Variants in CSMD1 observed in about 807,000 individuals in gnomAD.
CSMD1 encodes the protein CUB and sushi domain-containing protein 1.
In CSMD1, 213 loss-of-function variants were observed where a neutral mutation model predicts 417.5. The observed-to-expected ratio is 0.51, with a 90% CI of 0.46 to 0.57. The LOEUF is 0.57. Ranked by LOEUF, CSMD1 falls within the 20% of genes least tolerant of loss-of-function variation. The probability of loss-of-function intolerance (pLI) is 0.00; values close to 1 mark genes in which losing one functional copy is unlikely to be tolerated. For missense variants in CSMD1, 6,923 were observed against 4,529.7 expected (o/e 1.53, Z -15.17); for synonymous variants, 2,862 against 1,736.8 (o/e 1.65, Z -16.11).
chr8:4,419,877 CATT>C (rs1292979442), intron 3 of CSMD1, 73 bp downstream of exon 3: 6 of 1,027,046 alleles, frequency 5.8e-6, no homozygotes, highest in African/African-American at 1.6e-5. Context: ...CCTAGTTTGT[CATT>C]ATTAATCCAG....
intron 1 of CSMD1, among the ~76,000 whole-genome samples, chr8:4,880,580 C>G (rs1223992608): frequency 6.6e-6 from 1 of 152,104 alleles, no homozygotes; most frequent in Non-Finnish European, 1.5e-5. Context: ...AGACACACTT[C>G]CTGTGTTCTC....
chr8:4,267,904 A>C (rs1273562191), intron 3 of CSMD1, among the ~76,000 whole-genome samples: 2 of 152,156 alleles, frequency 1.3e-5, no homozygotes, highest in Non-Finnish European at 1.5e-5. Flanking sequence ...GTAATGACTG[A>C]AATAAAATAG....
chr8:4,872,392 C>G (rs1227744387), intron 1 of CSMD1, among the ~76,000 whole-genome samples: 2 of 151,970 alleles, frequency 1.3e-5, no homozygotes, highest in African/African-American at 4.8e-5. Flanking sequence ...AGTGGTTTCC[C>G]TGATGCTGCT....
chr8:3,403,131 A>G (rs559341201), intron 15 of CSMD1, among the ~76,000 whole-genome samples: 20 of 152,190 alleles, frequency 1.3e-4, no homozygotes, highest in Non-Finnish European at 2.6e-4. Context: ...GAGACCTATA[A>G]CTTATTTTAA....
At chr8:3,500,107 T>G (rs1796535650) in intron 10 of CSMD1, among the ~76,000 whole-genome samples, 2 of 152,142 alleles carry the variant, frequency 1.3e-5, no homozygotes, top group African/African-American at 4.8e-5. Context: ...TTTTTGGCAC[T>G]GAACGGATCC....
intron 3 of CSMD1, among the ~76,000 whole-genome samples, chr8:4,321,381 C>A (rs977749977): frequency 1.3e-5 from 2 of 152,128 alleles, no homozygotes; most frequent in Non-Finnish European, 2.9e-5. Flanking sequence ...AAGAACGGAG[C>A]AATCAGAAGA....
At chr8:4,222,881 C>T (rs1238297933) in intron 3 of CSMD1, among the ~76,000 whole-genome samples, 1 of 151,944 alleles carries the variant, frequency 6.6e-6, no homozygotes, top group Non-Finnish European at 1.5e-5. Context: ...CTAGACATAA[C>T]CACAAAACTA....
intron 5 of CSMD1, among the ~76,000 whole-genome samples, chr8:3,841,828 A>C (rs148795455): frequency 2.4e-4 from 36 of 152,236 alleles, no homozygotes; most frequent in African/African-American, 8.4e-4. Flanking sequence ...CAAAGCACCG[A>C]GACTTTGCAT....
At chr8:3,657,546 G>A (rs903388995) in intron 7 of CSMD1, among the ~76,000 whole-genome samples, 2 of 152,048 alleles carry the variant, frequency 1.3e-5, no homozygotes, top group East Asian at 3.9e-4. Context: ...TCCTTTGCAG[G>A]GACATGGATG....
At chr8:4,636,460 T>C (rs1802815708) in intron 2 of CSMD1, among the ~76,000 whole-genome samples, 1 of 152,204 alleles carries the variant, frequency 6.6e-6, no homozygotes. Context: ...GCCCTGAATG[T>C]TGTTCCCTCA....
In CSMD1 at chr8:4,553,700, G is replaced by C. The variant is rs1456727749; in HGVS notation, c.302+83642C>G. Among the ~76,000 whole-genome samples, 7 of 152,238 alleles carry C rather than the reference G, an allele frequency of 4.6e-5. No homozygotes were observed. The South Asian group carries it at 6.2e-4, about 14-fold the overall frequency. On this transcript the variant is annotated intron_variant, in intron 2 of 69. Transcript: ENST00000635120. ...ATTTCCCACTATTTTTAGGATTCTA[G>C]AGTGACGTTAATTGTGCCTCATGGC...
intron 7 of CSMD1, among the ~76,000 whole-genome samples, chr8:3,621,951 C>G (rs1796262805): frequency 6.7e-6 from 1 of 149,518 alleles, no homozygotes; most frequent in African/African-American, 2.5e-5. Context: ...CCTGATGTTA[C>G]TTCTGTCTTA....
intron 5 of CSMD1, among the ~76,000 whole-genome samples, chr8:3,776,966 G>C (rs774438157): frequency 1.3e-5 from 2 of 151,624 alleles, no homozygotes; most frequent in Non-Finnish European, 2.9e-5. Flanking sequence ...CTCCTACCTG[G>C]GCCTCCCATA....
At chr8:3,523,096 T>C (rs1001344797) in intron 10 of CSMD1, among the ~76,000 whole-genome samples, 1 of 151,538 alleles carries the variant, frequency 6.6e-6, no homozygotes, top group Admixed American at 6.6e-5. Context: ...CCACATCCAA[T>C]ATTATAGTTA....
chr8:4,245,976 C>A (rs756006545), intron 3 of CSMD1, among the ~76,000 whole-genome samples: 4 of 152,132 alleles, frequency 2.6e-5, no homozygotes, highest in Non-Finnish European at 4.4e-5. Context: ...GGGCCGTGGA[C>A]AGGGATGGTC....
chr8:3,523,624 T>C (rs929025659), intron 10 of CSMD1, among the ~76,000 whole-genome samples: 1 of 150,136 alleles, frequency 6.7e-6, no homozygotes, highest in South Asian at 2.1e-4. Flanking sequence ...CACACATGCA[T>C]GCACACCGAG....
chr8:4,950,960 G>A (rs970798971), intron 1 of CSMD1, among the ~76,000 whole-genome samples: 4 of 135,262 alleles, frequency 3.0e-5, no homozygotes, highest in African/African-American at 9.3e-5. Context: ...GGAGACTTGT[G>A]GTAAAAAAAA....
At chr8:3,500,028 G>C (rs527285849) in intron 10 of CSMD1, among the ~76,000 whole-genome samples, 1 of 152,062 alleles carries the variant, frequency 6.6e-6, no homozygotes, top group Non-Finnish European at 1.5e-5. Flanking sequence ...CCTGAATACA[G>C]GCATCTGGGG....
intron 68 of CSMD1, 143 bp from the exon 69 acceptor site, chr8:2,942,747 C>G: frequency 1.6e-6 from 1 of 623,338 alleles, no homozygotes; most frequent in South Asian, 3.2e-5. Context: ...ATATTCTTTT[C>G]TAAAGATTTT....
Sources: allele counts gnomAD v4.1 joint callset (sites outside exome capture counted in the v4.1 genomes callset), GRCh38; gene constraint gnomAD v4.1.1; transcripts MANE v1.5; gene names NCBI Gene and HGNC (gene_info 2026-07-23, HGNC 2026-07-21).